LINGO2: variants seen among roughly 807,000 people sequenced by gnomAD.
LINGO2 encodes the protein leucine-rich repeat and immunoglobulin-like domain-containing nogo receptor-interacting protein 2.
In LINGO2, 14 loss-of-function variants were observed where a neutral mutation model predicts 30.6. The ratio of observed to expected loss-of-function variants is 0.46; its 90% CI spans 0.30 to 0.72. The LOEUF is 0.72. LINGO2 is among the 30% of genes least tolerant of loss of function. LINGO2 has a pLI of 0.07. For synonymous variants in LINGO2, 317 were observed against 288.5 expected (o/e 1.10, Z -1.00); for missense variants, 729 against 751.7 (o/e 0.97, Z 0.35).
intron 1 of LINGO2, among the ~76,000 whole-genome samples, chr9:28,584,405 A>G (rs900367501): frequency 1.3e-5 from 2 of 152,070 alleles, no homozygotes; most frequent in African/African-American, 4.8e-5. Context: ...CCAAATTCCT[A>G]TTAACACTTT....
the LINGO2 span, among the ~76,000 whole-genome samples, chr9:29,058,262 A>G: frequency 6.6e-6 from 1 of 152,106 alleles, no homozygotes; most frequent in Non-Finnish European, 1.5e-5. Context: ...TGAAAAATGT[A>G]AAAAATTGAA....
chr9:28,356,545 ATGTAGC>A (rs1767371600), intron 3 of LINGO2, among the ~76,000 whole-genome samples: 1 of 152,148 alleles, frequency 6.6e-6, no homozygotes, highest in South Asian at 2.1e-4. Flanking sequence ...CCACTGTACC[ATGTAGC>A]TGTTTCTTCA....
intron 1 of LINGO2, among the ~76,000 whole-genome samples, chr9:28,478,815 C>A (rs1002470591): frequency 6.6e-6 from 1 of 151,792 alleles, no homozygotes. Context: ...AAGTGTGCAC[C>A]CTGATGTCAC....
chr9:28,247,053 A>G (rs1822029231), intron 4 of LINGO2, among the ~76,000 whole-genome samples: 1 of 152,224 alleles, frequency 6.6e-6, no homozygotes, highest in Admixed American at 6.5e-5. Context: ...ACAATGGAAT[A>G]CCATCTCACG....
At chr9:28,864,752 T>G in the LINGO2 span, among the ~76,000 whole-genome samples, 1 of 152,086 alleles carries the variant, frequency 6.6e-6, no homozygotes, top group Non-Finnish European at 1.5e-5. Flanking sequence ...CAAGCCAAAC[T>G]TGCTAAGTAT....
intron 1 of LINGO2, among the ~76,000 whole-genome samples, chr9:28,644,860 A>C (rs572209384): frequency 2.6e-4 from 40 of 152,104 alleles, no homozygotes; most frequent in African/African-American, 9.2e-4. Context: ...TTTTTAAAAA[A>C]ATTAAAGATC....
chr9:28,622,902 T>A (rs575511950), intron 1 of LINGO2, among the ~76,000 whole-genome samples: 1 of 152,046 alleles, frequency 6.6e-6, no homozygotes, highest in Non-Finnish European at 1.5e-5. Flanking sequence ...TGAGATGATA[T>A]CTCATTGCAG....
At chr9:27,999,885 T>G (rs545200381) in intron 5 of LINGO2, among the ~76,000 whole-genome samples, 1 of 152,170 alleles carries the variant, frequency 6.6e-6, no homozygotes, top group African/African-American at 2.4e-5. Context: ...CCACAATCAC[T>G]TTTGCACCAA....
the LINGO2 span, among the ~76,000 whole-genome samples, chr9:28,694,592 AT>A: frequency 6.6e-6 from 1 of 152,008 alleles, no homozygotes; most frequent in Non-Finnish European, 1.5e-5. Flanking sequence ...CCCTACACCT[AT>A]GAGGTAGATA....
chr9:28,825,563 A>ACGT, the LINGO2 span, among the ~76,000 whole-genome samples: 3 of 58,234 alleles, frequency 5.2e-5, no homozygotes, highest in Non-Finnish European at 2.0e-4. Flanking sequence ...GCTCATTTGT[A>ACGT]TCTGGTTTTT....
the LINGO2 span, among the ~76,000 whole-genome samples, chr9:29,025,339 G>C: frequency 6.6e-6 from 1 of 151,766 alleles, no homozygotes; most frequent in Non-Finnish European, 1.5e-5. Context: ...TGAAACATTT[G>C]GCCTTTTTTT....
At chr9:28,673,538 G>A (rs1457224620), upstream of LINGO2, among the ~76,000 whole-genome samples, 1 of 151,824 alleles carries the variant, frequency 6.6e-6, no homozygotes, top group African/African-American at 2.4e-5. Context: ...GTGGTGGCAC[G>A]TGCCTGTAAT....
chr9:28,962,691 TTAC>T, the LINGO2 span, among the ~76,000 whole-genome samples: 25 of 151,802 alleles, frequency 1.6e-4, no homozygotes, highest in South Asian at 8.3e-4. Context: ...TCTAAATAAT[TTAC>T]TACATTTCAT....
chr9:28,060,827 T>C (rs1359076782), intron 4 of LINGO2, among the ~76,000 whole-genome samples: 2 of 152,180 alleles, frequency 1.3e-5, no homozygotes, highest in Non-Finnish European at 2.9e-5. Context: ...GGTTTCAGAC[T>C]CAGGGAAAAC....
At chr9:28,647,377 T>G (rs1827887909) in intron 1 of LINGO2, among the ~76,000 whole-genome samples, 1 of 152,138 alleles carries the variant, frequency 6.6e-6, no homozygotes, top group Non-Finnish European at 1.5e-5. Context: ...TCTAACTACT[T>G]CTTTAGAACT....
chr9:27,964,248 CAT>C (rs1819989107), intron 5 of LINGO2, among the ~76,000 whole-genome samples: 1 of 152,060 alleles, frequency 6.6e-6, no homozygotes, highest in Non-Finnish European at 1.5e-5. Flanking sequence ...TATATTATAA[CAT>C]ATTTTTTTCT....
the LINGO2 span, among the ~76,000 whole-genome samples, chr9:28,694,209 T>C: frequency 6.6e-6 from 1 of 151,932 alleles, no homozygotes; most frequent in Non-Finnish European, 1.5e-5. Context: ...GTAGAAATTA[T>C]GATCCCAGTT....
At chr9:28,723,533 T>C in the LINGO2 span, among the ~76,000 whole-genome samples, 1 of 152,102 alleles carries the variant, frequency 6.6e-6, no homozygotes, top group Non-Finnish European at 1.5e-5. Context: ...GTAAATGACA[T>C]GCTCTTTGTT....
the LINGO2 span, among the ~76,000 whole-genome samples, chr9:29,208,076 A>G: frequency 1.3e-5 from 2 of 152,036 alleles, no homozygotes; most frequent in Non-Finnish European, 2.9e-5. Flanking sequence ...CTAAGATAAT[A>G]TATTAGGTTT....
Sources: gnomAD v4.1 joint callset for allele counts (sites outside exome capture counted in the v4.1 genomes callset) on GRCh38, gnomAD v4.1.1 for gene constraint, MANE v1.5 for transcripts, NCBI Gene and HGNC (gene_info 2026-07-23, HGNC 2026-07-21) for gene names.